Variants in SUPV3L1 observed in about 807,000 individuals in gnomAD.
The protein encoded by SUPV3L1 is ATP-dependent RNA helicase SUPV3L1, mitochondrial.
SUPV3L1 carries 35 observed loss-of-function variants against 70.0 expected under a neutral mutation model. The ratio of observed to expected loss-of-function variants is 0.50; its 90% CI spans 0.38 to 0.66. The LOEUF (loss-of-function observed/expected upper bound fraction) is 0.66. Among genes scored for constraint, SUPV3L1 ranks in the 30% least tolerant of loss-of-function variants. SUPV3L1 has a pLI of 0.00. For missense variants in SUPV3L1, 777 were observed against 961.5 expected (o/e 0.81, Z 2.54); for synonymous variants, 364 against 341.9 (o/e 1.06, Z -0.71).
intron 2 of SUPV3L1, 51 bp from the exon 3 acceptor site, chr10:69,186,391 CT>C (rs1842234518): frequency 1.6e-6 from 2 of 1,242,624 alleles, no homozygotes; most frequent in African/African-American, 1.5e-5. Flanking sequence ...TGTCTGTGTG[CT>C]TTTTAAAATG....
At chr10:69,207,375 C>T (rs7101046) in intron 13 of SUPV3L1, among the ~76,000 whole-genome samples, 9,398 of 152,164 alleles carry the variant, frequency 0.062, 613 homozygotes, top group African/African-American at 0.16. Context: ...TGCAGTGGCA[C>T]GATCATGGCG....
intron 5 of SUPV3L1, among the ~76,000 whole-genome samples, chr10:69,189,761 C>T (rs191168398): frequency 2.2e-3 from 331 of 151,392 alleles, no homozygotes; most frequent in African/African-American, 7.4e-3. Context: ...ATTCTCTTGC[C>T]TCAGCCTCCC....
Position 69,180,509 on chromosome 10 carries a change from G to A in SUPV3L1, c.218G>A (p.Gly73Asp). 1 of 1,614,218 alleles carries A rather than the reference G, an allele frequency of 6.2e-7. No individual in the cohort carries two copies. The highest frequency in any genetic ancestry group is 1.1e-5 in the South Asian group (1 of 91,082). ...LFVPLTVKPQ[G>D]PSADGDVGAE... ...GTGCCCCTGACTGTGAAACCTCAGG[G>A]CCCCAGCGCCGACGGCGACGTCGGG... The change falls in exon 1 of 15, where the codon GGC (glycine) becomes GAC (aspartate). Residue 73 changes from glycine (G) to aspartate (D), a missense_variant. Transcript: ENST00000359655.
At chr10:69,205,332 G>A (rs920637080) in intron 13 of SUPV3L1, among the ~76,000 whole-genome samples, 1 of 151,998 alleles carries the variant, frequency 6.6e-6, no homozygotes, top group Non-Finnish European at 1.5e-5. Flanking sequence ...GTGAATAGAA[G>A]CTCTTTACTA....
rs771588488 is a variant in SUPV3L1, at chr10:69,207,986, C to T, written c.1925+45C>T. The T allele has an allele frequency of 6.3e-6, 10 of 1,592,948 alleles. No individual in the cohort carries two copies. The Admixed American group carries it at 1.8e-4, about 29-fold the overall frequency. On this transcript the variant is annotated intron_variant, in intron 14 of 14. Coordinates refer to ENST00000359655, the MANE Select transcript of SUPV3L1 (RefSeq NM_003171.5). The stretch of plus-strand genomic sequence containing the variant: ...ATGTGCTCTCATTTTTCTAGTAGGA[C>T]AAATTAAAGGTTTTATGAATTTGTT...
intron 5 of SUPV3L1, among the ~76,000 whole-genome samples, chr10:69,191,322 C>T (rs1474342974): frequency 1.3e-5 from 2 of 149,256 alleles, no homozygotes; most frequent in Non-Finnish European, 3.0e-5. Flanking sequence ...CTCCATCTCT[C>T]AGTTCAAGTG....
At chr10:69,186,343 A>AG in intron 2 of SUPV3L1, 100 bp from the exon 3 acceptor site, 3 of 568,442 alleles carry the variant, frequency 5.3e-6, no homozygotes, top group Middle Eastern at 3.7e-4. Flanking sequence ...AAAAAAAAAA[A>AG]AGAAAAAAAA....
At position 69,186,484 on chromosome 10, in the gene SUPV3L1, A is replaced by G. The variant is rs1842236914; in HGVS notation, c.391A>G (p.Ile131Val). The G allele has an allele frequency of 1.2e-6, 2 of 1,614,024 alleles. No homozygotes were observed. Among genetic ancestry groups the G allele is most frequent in the South Asian group, 2.2e-5 (2 of 91,050 alleles). The change falls in exon 3 of 15, where the codon ATT (isoleucine) becomes GTT (valine). Residue 131 changes from isoleucine to valine, a missense_variant. Ile to Val is a conservative substitution (Grantham distance 29, BLOSUM62 3). Transcript: ENST00000359655. ...HQAFISFRNY[I>V]MQSHSLDVDI... ...AGCTTTCATAAGCTTTAGAAATTAT[A>G]TTATGCAGTCTCATTCCCTGGATGT...
At position 69,180,391 on chromosome 10, in the gene SUPV3L1, C is replaced by A. The variant is rs370604365; in HGVS notation, c.100C>A (p.Pro34Thr). 7.4e-6 allele frequency: 12 copies of A among 1,614,136 alleles called. No individual in the cohort carries two copies. In the African/African-American group the frequency reaches 1.5e-4, roughly 20 times the overall value. Residue 34 changes from proline (P) to threonine (T), a missense_variant, in exon 1 of 15, where the codon CCC (proline) becomes ACC (threonine). Pro to Thr is a conservative substitution (Grantham distance 38, BLOSUM62 -1). This residue lies in a region of SUPV3L1 where 158 missense variants were observed against 138.3 expected (regional missense o/e 1.14). Coordinates refer to ENST00000359655, the MANE Select transcript of SUPV3L1 (RefSeq NM_003171.5). Reference protein sequence around the residue: ...ICSALRPHFGPFPGVLGQVSV... With the variant: ...ICSALRPHFGTFPGVLGQVSV... ...CTCTGCCCTTCGTCCCCACTTTGGG[C>A]CCTTTCCCGGGGTTCTGGGGCAAGT...
At chr10:69,197,369 G>T (rs1409065625) in intron 8 of SUPV3L1, among the ~76,000 whole-genome samples, 2 of 151,650 alleles carry the variant, frequency 1.3e-5, no homozygotes, top group African/African-American at 4.9e-5. Context: ...AAATAAATCA[G>T]TACTCTTAGA....
intron 8 of SUPV3L1, 28 bp from the exon 9 acceptor site, chr10:69,198,344 A>G: frequency 4.5e-6 from 7 of 1,567,654 alleles, no homozygotes; most frequent in Non-Finnish European, 5.2e-6. Flanking sequence ...TGGGTGTGTC[A>G]TTTTGCCATT....
intron 13 of SUPV3L1, among the ~76,000 whole-genome samples, chr10:69,203,670 A>C (rs1285965257): frequency 6.6e-6 from 1 of 151,134 alleles, no homozygotes; most frequent in Non-Finnish European, 1.5e-5. Flanking sequence ...TCTCAAAAAA[A>C]AAAAAAACAA....
chr10:69,198,161 G>C (rs974568037), intron 8 of SUPV3L1, among the ~76,000 whole-genome samples: 3 of 152,168 alleles, frequency 2.0e-5, no homozygotes, highest in African/African-American at 7.2e-5. Context: ...GAAACACTCT[G>C]TTTCATCTTA....
At chr10:69,200,220 G>T in intron 10 of SUPV3L1, 60 bp from the exon 11 acceptor site, 1 of 1,398,602 alleles carries the variant, frequency 7.2e-7, no homozygotes, top group South Asian at 1.2e-5. Context: ...ATTATGCAAT[G>T]ACCCAAGTAT....
rs754830353 is a variant in SUPV3L1 at position 69,208,957 on chromosome 10, A to G, written c.2283A>G (p.Glu761=). 6.2e-7 allele frequency: 1 copy of G among 1,614,172 alleles called. No homozygotes were observed. The change falls in exon 15 of 15, where the codon GAA becomes GAG. Residue 761 remains glutamate (E), a synonymous_variant. Coordinates refer to ENST00000359655, the MANE Select transcript of SUPV3L1 (RefSeq NM_003171.5). The part of the protein sequence containing the change: ...LEKEWMTQQT[E]HNKEKTESGT... ...AAGAGTGGATGACACAACAAACTGA[A>G]CACAACAAAGAAAAAACAGAGTCTG...
At chr10:69,186,619 A>C in intron 3 of SUPV3L1, 69 bp downstream of exon 3, 1 of 1,340,132 alleles carries the variant, frequency 7.5e-7, no homozygotes, top group Non-Finnish European at 1.1e-6. Flanking sequence ...CTTCATGCTC[A>C]TTTCTCTAGA....
Position 69,185,988 on chromosome 10 carries a change from T to A in SUPV3L1, c.273T>A (p.Asn91Lys), listed in dbSNP as rs1842216547. The change falls in exon 2 of 15, where the codon AAT (asparagine) becomes AAA (lysine). Residue 91 changes from asparagine to lysine, a missense_variant and splice_region_variant. Physicochemically the swap from Asn to Lys is moderately conservative, Grantham distance 94 (BLOSUM62 0). Transcript: ENST00000359655. ...GAELTRPLDK[N>K]EVKKVLDKFY... ...TAAATTTTGACATCTCTCTTCTAGA[T>A]GAAGTAAAGAAGGTCTTAGACAAAT... is the stretch of plus-strand genomic sequence containing the variant. 1 of 1,609,070 alleles carries A rather than the reference T, an allele frequency of 6.2e-7. No individual in the cohort carries two copies. Among genetic ancestry groups the A allele is most frequent in the Admixed American group, 1.7e-5 (1 of 59,260 alleles).
intron 7 of SUPV3L1, among the ~76,000 whole-genome samples, chr10:69,196,261 G>C (rs941128433): frequency 2.6e-5 from 4 of 152,110 alleles, no homozygotes; most frequent in Admixed American, 2.6e-4. Context: ...GGAGGCCGAG[G>C]CTGGCCGATT....
intron 1 of SUPV3L1, 85 bp downstream of exon 1, chr10:69,180,647 T>G (rs944241683): frequency 3.3e-6 from 5 of 1,523,150 alleles, no homozygotes; most frequent in Non-Finnish European, 4.4e-6. Flanking sequence ...CCCCTTCCCC[T>G]GGGGATCCGA....
Sources: allele counts gnomAD v4.1 joint callset (sites outside exome capture counted in the v4.1 genomes callset), GRCh38; gene constraint gnomAD v4.1.1; regional missense constraint gnomAD v4.1.1; transcripts MANE v1.5; gene names NCBI Gene and HGNC (gene_info 2026-07-23, HGNC 2026-07-21).